The following PTPN5 variants were observed in gnomAD, a reference collection of about 807,000 sequenced individuals.
The protein encoded by PTPN5 is tyrosine-protein phosphatase non-receptor type 5.
Under a neutral mutation model 73.9 loss-of-function variants are expected in PTPN5, and 29 were observed. That is an observed-to-expected ratio of 0.39 (90% CI 0.29 to 0.54). The LOEUF (loss-of-function observed/expected upper bound fraction) is 0.54, where lower values mean the gene tolerates loss of function less well. Among genes scored for constraint, PTPN5 ranks in the 20% least tolerant of loss-of-function variants. PTPN5 has a pLI of 0.65. For synonymous variants in PTPN5, 267 were observed against 304.7 expected (o/e 0.88, Z 1.29); for missense variants, 652 against 751.4 (o/e 0.87, Z 1.55).
Position 18,742,387 on chromosome 11 carries a change from C to T in PTPN5, c.600G>A (p.Lys200=), listed in dbSNP as rs1387397647. 1.2e-6 allele frequency: 2 copies of T among 1,614,046 alleles called. No individual in the cohort carries two copies. The highest frequency in any genetic ancestry group is 1.7e-6 in the Non-Finnish European group (2 of 1,180,030). Reference sequence around the variant, plus strand: ...CGAGGTCCAGGAAGTCATCCTCGATCTTCTCCTCCATCCACTCTGAGTAGG... The same window carrying T: ...CGAGGTCCAGGAAGTCATCCTCGATTTTCTCCTCCATCCACTCTGAGTAGG... ...SFTYSEWMEE[K]IEDDFLDLDP... The change falls in exon 7 of 15, where the codon AAG becomes AAA. Residue 200 remains lysine (K), a synonymous_variant. Transcript: ENST00000358540. This position sits in a 1 kb window ranked among gnomAD's most constrained non-coding sequence, Gnocchi z 4.1.
intron 9 of PTPN5, among the ~76,000 whole-genome samples, chr11:18,735,956 A>G (rs1326188217): frequency 6.6e-6 from 1 of 152,160 alleles, no homozygotes. Flanking sequence ...CCAAGTAAGA[A>G]GTGTCAAGGA....
chr11:18,753,765 T>C (rs373822823), intron 3 of PTPN5, among the ~76,000 whole-genome samples: 31 of 152,268 alleles, frequency 2.0e-4, no homozygotes, highest in African/African-American at 7.0e-4. Context: ...AGTAGAGACA[T>C]CTGCAAGCCC....
At chr11:18,758,798 C>T (rs1850263992) in intron 3 of PTPN5, among the ~76,000 whole-genome samples, 1 of 151,894 alleles carries the variant, frequency 6.6e-6, no homozygotes, top group Admixed American at 6.6e-5. Context: ...CGATGGATGT[C>T]CATTTGTCTA....
intron 1 of PTPN5, among the ~76,000 whole-genome samples, chr11:18,780,670 A>G (rs1851377085): frequency 6.6e-6 from 1 of 152,012 alleles, no homozygotes; most frequent in Non-Finnish European, 1.5e-5. Flanking sequence ...TGTGACTTGG[A>G]AACTGGTAAT....
chr11:18,748,717 C>A (rs1849748824), intron 3 of PTPN5, among the ~76,000 whole-genome samples: 1 of 152,106 alleles, frequency 6.6e-6, no homozygotes, highest in African/African-American at 2.4e-5. Context: ...GCCTGCCACT[C>A]TGGTTTTAGT....
Position 18,768,979 on chromosome 11 carries a change from G to A in PTPN5, c.20+2960C>T, listed in dbSNP as rs113356256. ...GGCAACAGGAACAGAACACTGGCCT[G>A]TGACAACAGCAGCCACTTGCTGGGC... On this transcript the variant is annotated intron_variant, in intron 2 of 14. Transcript: ENST00000358540. Among the ~76,000 whole-genome samples the A allele has an allele frequency of 7.9e-5, 12 of 152,270 alleles. 2 individuals carry two copies. The highest frequency in any genetic ancestry group is 2.9e-4 in the African/African-American group (12 of 41,560).
chr11:18,789,574 C>T (rs1225805154), intron 1 of PTPN5, among the ~76,000 whole-genome samples: 1 of 152,062 alleles, frequency 6.6e-6, no homozygotes, highest in African/African-American at 2.4e-5. Context: ...TCAGTGGCAG[C>T]CCCTGAAGTT....
chr11:18,792,193 G>T (rs1240125546), upstream of PTPN5: 1 of 152,344 alleles, frequency 6.6e-6, no homozygotes, highest in Non-Finnish European at 1.5e-5. Flanking sequence ...AACCTGGGAC[G>T]GGACAGACAG....
chr11:18,747,789 G>A (rs1366230497), intron 3 of PTPN5, among the ~76,000 whole-genome samples: 2 of 152,170 alleles, frequency 1.3e-5, no homozygotes, highest in South Asian at 2.1e-4. Context: ...AATTAAGAAA[G>A]TACAAATATG....
intron 1 of PTPN5, among the ~76,000 whole-genome samples, chr11:18,784,969 T>G (rs1169241330): frequency 6.6e-6 from 1 of 152,096 alleles, no homozygotes; most frequent in Non-Finnish European, 1.5e-5. Context: ...TTCTCATGCC[T>G]CAGCCTCCTG....
intron 7 of PTPN5, among the ~76,000 whole-genome samples, chr11:18,741,738 C>T (rs1590509647): frequency 6.6e-6 from 1 of 152,052 alleles, no homozygotes; most frequent in Non-Finnish European, 1.5e-5. Context: ...GAGAGGCGGG[C>T]AAGGGATGAA....
chr11:18,728,899 G>A lies in PTPN5; in HGVS notation c.*35C>T, dbSNP rs1172211194. On this transcript the variant is annotated 3_prime_UTR_variant, in exon 15 of 15. Transcript: ENST00000358540. The surrounding 1 kb of genome is among the most constrained non-coding windows in gnomAD (Gnocchi z 4.1). ...TGGGTGAGGGCCGAGACTCAGGCTG[G>A]GCAGTGCCCAGAGAACCTTGTAGGA... The A allele has an allele frequency of 1.9e-6, 3 of 1,598,522 alleles. No homozygotes were observed. Among genetic ancestry groups the A allele is most frequent in the East Asian group, 2.2e-5 (1 of 44,638 alleles).
intron 3 of PTPN5, among the ~76,000 whole-genome samples, chr11:18,758,675 G>GT (rs59126462): frequency 6.6e-4 from 99 of 150,640 alleles, no homozygotes; most frequent in Admixed American, 6.6e-4. Context: ...GGAAGGATGA[G>GT]TTTTTTTTTT....
At chr11:18,791,860 C>A (rs959752732), upstream of PTPN5, 1 of 152,048 alleles carries the variant, frequency 6.6e-6, no homozygotes, top group South Asian at 2.1e-4. Flanking sequence ...CGCCCCCGGG[C>A]GGGCTTCCGC....
intron 3 of PTPN5, among the ~76,000 whole-genome samples, chr11:18,761,718 T>C (rs560480688): frequency 5.3e-5 from 8 of 151,246 alleles, no homozygotes; most frequent in Admixed American, 2.6e-4. Context: ...TTTTCAAGAG[T>C]GTGCGTGAAG....
intron 9 of PTPN5, among the ~76,000 whole-genome samples, chr11:18,735,008 T>C (rs1849052867): frequency 6.6e-6 from 1 of 152,252 alleles, no homozygotes; most frequent in African/African-American, 2.4e-5. Flanking sequence ...CCCTGTGCCT[T>C]ATCTGTAATC....
In PTPN5 at chr11:18,791,576, G is replaced by C. The variant is rs1851931665; in HGVS notation, c.-165C>G. On this transcript the variant is annotated 5_prime_UTR_variant, in exon 1 of 15. Transcript: ENST00000358540. Reference sequence around the variant, plus strand: ...CGAGCAGGCGGGCAGGCTGGCGGGAGGATGCGCGCGCGAGTGTGCGTGTGT... The same window carrying C: ...CGAGCAGGCGGGCAGGCTGGCGGGACGATGCGCGCGCGAGTGTGCGTGTGT... 1 of 153,402 alleles carries C rather than the reference G, an allele frequency of 6.5e-6. No homozygotes were observed. Among genetic ancestry groups the C allele is most frequent in the Non-Finnish European group, 1.4e-5 (1 of 69,172 alleles). The allele number at this position is 153,402 out of a possible 1,614,324, so 9.5% of individuals were successfully genotyped here.
intron 3 of PTPN5, among the ~76,000 whole-genome samples, chr11:18,747,960 T>TG (rs1285804256): frequency 3.3e-5 from 5 of 152,212 alleles, no homozygotes; most frequent in African/African-American, 9.6e-5. Flanking sequence ...ACCAGTTCTT[T>TG]GGGGTGGGGT....
chr11:18,792,500 T>C (rs1052756575), upstream of PTPN5: 1 of 152,562 alleles, frequency 6.6e-6, no homozygotes, highest in African/African-American at 2.4e-5. Flanking sequence ...CGCACCTGTT[T>C]TGGTTTTCTC....
Sources: allele counts gnomAD v4.1 joint callset (sites outside exome capture counted in the v4.1 genomes callset), GRCh38; gene constraint gnomAD v4.1.1; non-coding constraint Gnocchi (gnomAD v3.1); transcripts MANE v1.5; gene names NCBI Gene and HGNC (gene_info 2026-07-23, HGNC 2026-07-21).